Variants in PSMB2 observed in about 807,000 individuals in gnomAD.
PSMB2 encodes the protein proteasome subunit beta type-2.
PSMB2 carries 13 observed loss-of-function variants against 25.7 expected under a neutral mutation model. The observed-to-expected ratio is 0.51, with a 90% confidence interval of 0.33 to 0.80. The LOEUF (loss-of-function observed/expected upper bound fraction) is 0.80. Among genes scored for constraint, PSMB2 ranks in the 30% least tolerant of loss-of-function variants. The pLI is 0.02. For missense variants in PSMB2, 202 were observed against 259.0 expected (o/e 0.78, Z 1.51); for synonymous variants, 87 against 96.2 (o/e 0.90, Z 0.56).
intron 2 of PSMB2, among the ~76,000 whole-genome samples, chr1:35,632,909 A>AAATAAT (rs1049537847): frequency 6.6e-6 from 1 of 151,328 alleles, no homozygotes; most frequent in Non-Finnish European, 1.5e-5. Context: ...ACAACAACAA[A>AAATAAT]AATAATAATA....
rs1299207340 is a variant in PSMB2 at position 35,609,367 on chromosome 1, C to G, written c.327G>C (p.Glu109Asp). Residue 109 changes from glutamate to aspartate, a missense_variant, in exon 4 of 6, where the codon GAG becomes GAC. Coordinates refer to ENST00000373237, the MANE Select transcript of PSMB2 (RefSeq NM_002794.5). ...HVNLLLAGYD[E>D]HEGPALYYMD... ...TGTAATACAGCGCTGGCCCTTCATG[C>G]TCATCATAGCCAGCCAGGAGGAGGT... 6.2e-7 allele frequency: 1 copy of G among 1,603,288 alleles called. No homozygotes were observed. The highest frequency in any genetic ancestry group is 8.5e-7 in the Non-Finnish European group (1 of 1,174,024).
chr1:35,631,451 C>T, intron 2 of PSMB2, 107 bp from the exon 3 acceptor site: 4 of 1,547,636 alleles, frequency 2.6e-6, no homozygotes, highest in Non-Finnish European at 3.5e-6. Flanking sequence ...TTTGTACACT[C>T]AGAGTAAACA....
intron 3 of PSMB2, among the ~76,000 whole-genome samples, chr1:35,621,029 T>C (rs1000644488): frequency 6.6e-6 from 1 of 151,994 alleles, no homozygotes; most frequent in Non-Finnish European, 1.5e-5. Flanking sequence ...TATATTTATA[T>C]TTGTTTTTAA....
intron 4 of PSMB2, 131 bp downstream of exon 4, chr1:35,609,115 G>T: frequency 1.1e-6 from 1 of 879,540 alleles, no homozygotes; most frequent in Non-Finnish European, 1.6e-6. Context: ...TTCCAGAGGG[G>T]AACCTGGTTA....
chr1:35,632,160 C>T (rs1484718524), intron 2 of PSMB2, among the ~76,000 whole-genome samples: 1 of 152,118 alleles, frequency 6.6e-6, no homozygotes, highest in Non-Finnish European at 1.5e-5. Context: ...AAAGTATAAG[C>T]CACAGAAAAA....
At chr1:35,611,417 G>A (rs1054464771) in intron 3 of PSMB2, among the ~76,000 whole-genome samples, 61 of 152,120 alleles carry the variant, frequency 4.0e-4, no homozygotes, top group African/African-American at 1.2e-3. Flanking sequence ...ATCATAGCTC[G>A]CTGCAGCCTC....
At chr1:35,641,028 C>T (rs1651379891) in intron 1 of PSMB2, among the ~76,000 whole-genome samples, 1 of 151,816 alleles carries the variant, frequency 6.6e-6, no homozygotes, top group Non-Finnish European at 1.5e-5. Context: ...CACATCTCTA[C>T]TAATAATACA....
intron 1 of PSMB2, among the ~76,000 whole-genome samples, chr1:35,641,097 C>G (rs1354868868): frequency 6.6e-6 from 1 of 151,994 alleles, no homozygotes; most frequent in African/African-American, 2.4e-5. Context: ...GGCTGAGGCA[C>G]GAGAATCGCT....
At chr1:35,626,018 A>G (rs1369582881) in intron 3 of PSMB2, among the ~76,000 whole-genome samples, 1 of 151,880 alleles carries the variant, frequency 6.6e-6, no homozygotes, top group African/African-American at 2.4e-5. Context: ...TTGTATTTTT[A>G]GTAGAGATGG....
At chr1:35,618,489 G>A (rs748103389) in intron 3 of PSMB2, among the ~76,000 whole-genome samples, 1 of 151,982 alleles carries the variant, frequency 6.6e-6, no homozygotes, top group African/African-American at 2.4e-5. Flanking sequence ...CTATGGCAAA[G>A]GTATACCTAA....
intron 2 of PSMB2, among the ~76,000 whole-genome samples, chr1:35,633,926 T>C (rs1207938444): frequency 6.6e-6 from 1 of 152,266 alleles, no homozygotes; most frequent in Non-Finnish European, 1.5e-5. Flanking sequence ...ACTTCCTTCA[T>C]AGCTCCATAT....
chr1:35,624,974 T>C (rs1024946111), intron 3 of PSMB2, among the ~76,000 whole-genome samples: 1 of 151,452 alleles, frequency 6.6e-6, no homozygotes, highest in African/African-American at 2.4e-5. Context: ...GGAAGAAGAA[T>C]CACTTGAAAC....
At chr1:35,622,552 G>A (rs1291692533) in intron 3 of PSMB2, among the ~76,000 whole-genome samples, 1 of 152,098 alleles carries the variant, frequency 6.6e-6, no homozygotes, top group Non-Finnish European at 1.5e-5. Flanking sequence ...ATTGTGGATA[G>A]GAAAGATGCT....
At position 35,600,189 on chromosome 1, in the gene PSMB2, T is replaced by C. The variant is rs1326940155; in HGVS notation, c.*3078A>G. 9 of 984,800 alleles carry C rather than the reference T, an allele frequency of 9.1e-6. No homozygotes were observed. Among genetic ancestry groups the C allele is most frequent in the South Asian group, 4.7e-5 (1 of 21,264 alleles). The allele number at this position is 984,800 out of a possible 1,614,324, so 61.0% of individuals were successfully genotyped here. A position where few individuals can be genotyped will look rare whatever the true frequency, so the allele number is the denominator to read the frequency against. On this transcript the variant is annotated 3_prime_UTR_variant, in exon 6 of 6. Transcript: ENST00000373237. ...TATAATAAAATTAAAAGATTTAGGA[T>C]GTAGAAATGCCAGAACTTGGTGGCC... is the stretch of plus-strand genomic sequence containing the variant.
chr1:35,620,999 AAAAT>A (rs946200134), intron 3 of PSMB2, among the ~76,000 whole-genome samples: 4 of 151,718 alleles, frequency 2.6e-5, no homozygotes, highest in Non-Finnish European at 5.9e-5. Flanking sequence ...TATGTAGTAT[AAAAT>A]AAATAAATAA....
chr1:35,611,867 C>T (rs1344624367), intron 3 of PSMB2, among the ~76,000 whole-genome samples: 2 of 151,824 alleles, frequency 1.3e-5, no homozygotes, highest in Non-Finnish European at 2.9e-5. Flanking sequence ...GATGGGGTCT[C>T]ACTATGTTGC....
At chr1:35,627,705 T>C (rs1650907770) in intron 3 of PSMB2, among the ~76,000 whole-genome samples, 1 of 152,208 alleles carries the variant, frequency 6.6e-6, no homozygotes, top group Admixed American at 6.5e-5. Flanking sequence ...AATAACTTTT[T>C]GAAATTGGTA....
chr1:35,601,028 T>C lies in PSMB2; in HGVS notation c.*2239A>G, dbSNP rs1649976923. On this transcript the variant is annotated 3_prime_UTR_variant, in exon 6 of 6. Transcript: ENST00000373237. Reference sequence around the variant, plus strand: ...CTGTGCTTTAGTAGCAGCACTCCACTGGGTAGGGCGTCAGAATCATCTGTG... The same window carrying C: ...CTGTGCTTTAGTAGCAGCACTCCACCGGGTAGGGCGTCAGAATCATCTGTG... The C allele has an allele frequency of 1.6e-5, 15 of 923,632 alleles. 1 individual carries two copies. The South Asian group carries it at 6.5e-4, about 40-fold the overall frequency. The allele number at this position is 923,632 out of a possible 1,614,324, so 57.2% of individuals were successfully genotyped here.
At position 35,606,448 on chromosome 1, in the gene PSMB2, C is replaced by T. The variant is rs548034513; in HGVS notation, c.449-1166G>A. The stretch of plus-strand genomic sequence containing the variant: ...AAGGCAATCCCATTTACAATAGACA[C>T]AAAAATCAAAGAAAATAAAATACCT... On this transcript the variant is annotated intron_variant, in intron 4 of 5. Transcript: ENST00000373237. Among the ~76,000 whole-genome samples, 106 of 152,028 alleles carry T rather than the reference C, an allele frequency of 7.0e-4. No homozygotes were observed. The South Asian group carries it at 0.01, about 15-fold the overall frequency.
Sources: gnomAD v4.1 joint callset for allele counts (sites outside exome capture counted in the v4.1 genomes callset) on GRCh38, gnomAD v4.1.1 for gene constraint, MANE v1.5 for transcripts, NCBI Gene and HGNC (gene_info 2026-07-23, HGNC 2026-07-21) for gene names.